The following SPTBN4 variants were observed in gnomAD, a reference collection of about 807,000 sequenced individuals.
SPTBN4 encodes the protein spectrin beta chain, non-erythrocytic 4.
In SPTBN4, 96 loss-of-function variants were observed where a neutral mutation model predicts 277.8. The ratio of observed to expected loss-of-function variants is 0.35; its 90% CI spans 0.29 to 0.41. The LOEUF (loss-of-function observed/expected upper bound fraction) is 0.41. SPTBN4 is among the 10% of genes least tolerant of loss of function. The pLI is 1.00. For missense variants in SPTBN4, 3,006 were observed against 3,595.7 expected, an observed-to-expected ratio of 0.84 and a Z score of 4.19; for synonymous variants, 1,481 against 1,580.3, an observed-to-expected ratio of 0.94 and a Z score of 1.49.
At chr19:40,524,520 A>G (rs2080567264) in intron 17 of SPTBN4, 1 of 449,482 alleles carries the variant, frequency 2.2e-6, no homozygotes, top group African/African-American at 2.0e-5. Context: ...TCCAAAAAAA[A>G]AATGTGTTAA....
chr19:40,512,711 A>G lies in SPTBN4; in HGVS notation c.1922A>G (p.Glu641Gly). 1 of 1,525,050 alleles carries G rather than the reference A, an allele frequency of 6.6e-7. No individual in the cohort carries two copies. The highest frequency in any genetic ancestry group is 8.7e-7 in the Non-Finnish European group (1 of 1,143,012). 94.5% of individuals were successfully genotyped at this position (1,525,050 alleles called of 1,614,324 possible). A position where few individuals can be genotyped will look rare whatever the true frequency, so the allele number is the denominator to read the frequency against. Residue 641 changes from glutamate (E) to glycine (G), a missense_variant, in exon 14 of 36, where the codon GAG becomes GGG. Physicochemically the swap from Glu to Gly is moderately conservative, Grantham distance 98. Around this residue, in one of 5 missense-constraint regions of SPTBN4, gnomAD observed 1,759 missense variants for 2,061.5 expected, o/e 0.85. Transcript: ENST00000598249. ...EQAARRRAELEASRSLWALLQ... is the reference protein window; with the variant it reads ...EQAARRRAELGASRSLWALLQ... ...GCAGCGCGGCGACGCGCGGAGCTGG[A>G]GGCTTCGCGGAGCCTGTGGGCGCTG...
intron 30 of SPTBN4, 38 bp downstream of exon 30, chr19:40,566,397 C>T: frequency 1.4e-6 from 2 of 1,462,292 alleles, no homozygotes; most frequent in Non-Finnish European, 1.8e-6. Context: ...CCCCCACCCC[C>T]ACCAAGACCC....
Position 40,519,962 on chromosome 19 carries a change from G to A in SPTBN4, c.3465G>A (p.Ala1155=), listed in dbSNP as rs2080507089. Residue 1155 remains alanine (A), a synonymous_variant, in exon 16 of 36, where the codon GCG becomes GCA. Transcript: ENST00000598249. This position sits in a 1 kb window ranked among gnomAD's most constrained non-coding sequence, Gnocchi z 5.7. The part of the protein sequence containing the change: ...DYARIVAASE[A]LLAADGAELG... ...CTCGCATCGTGGCGGCCAGCGAGGC[G>A]CTGCTGGCCGCCGACGGCGCAGAGC... is the stretch of plus-strand genomic sequence containing the variant. 3.9e-6 allele frequency: 6 copies of A among 1,540,342 alleles called. No individual in the cohort carries two copies. Among genetic ancestry groups the A allele is most frequent in the East Asian group, 4.9e-5 (2 of 41,210 alleles).
rs746448654 is a variant in SPTBN4 at position 40,569,304 on chromosome 19, A to G, written c.6957-353A>G. 9.2e-5 allele frequency among the ~76,000 whole-genome samples: 14 copies of G among 152,024 alleles called. 1 individual carries two copies. In the South Asian group the frequency reaches 1.2e-3, roughly 14 times the overall value. ...AGCCGGCATGGTGGCGCACGCCTGTAGTACCAGCTACTTGGGAGGCTGAGG... is the reference window on the plus strand; with the variant it reads ...AGCCGGCATGGTGGCGCACGCCTGTGGTACCAGCTACTTGGGAGGCTGAGG... On this transcript the variant is annotated intron_variant, in intron 31 of 35. Transcript: ENST00000598249.
Position 40,490,135 on chromosome 19 carries a change from C to T in SPTBN4, c.382C>T (p.Gln128Ter). ...HSLENVDKALQFLKEQRVHLE... is the reference protein window; with the variant it reads ...HSLENVDKAL ...ACTGGAGAACGTGGACAAGGCGCTG[C>T]AGTTTCTGAAGGAGCAGCGCGTGCA... Residue 128 changes from glutamine (Q) to a stop codon, truncating the protein, a stop_gained, in exon 4 of 36, where the codon CAG (glutamine) becomes TAG (stop). Transcript: ENST00000598249. LOFTEE classifies it high-confidence loss of function. The surrounding 1 kb of genome is among the most constrained non-coding windows in gnomAD (Gnocchi z 4.3). 1 of 1,614,148 alleles carries T rather than the reference C, an allele frequency of 6.2e-7. No individual in the cohort carries two copies. The highest frequency in any genetic ancestry group is 8.5e-7 in the Non-Finnish European group (1 of 1,180,006).
chr19:40,534,230 G>T lies in SPTBN4; in HGVS notation c.4246G>T (p.Val1416Leu). 1.2e-6 allele frequency: 2 copies of T among 1,614,102 alleles called. No homozygotes were observed. The highest frequency in any genetic ancestry group is 2.2e-5 in the East Asian group (1 of 44,876). ...TGAGGCCAGCAAAGCAGACCAGCTGGTGCAGAGCTTTGCTGAGCTGGACAA... is the reference window on the plus strand; with the variant it reads ...TGAGGCCAGCAAAGCAGACCAGCTGTTGCAGAGCTTTGCTGAGCTGGACAA... ...LFEASKADQLVQSFAELDKKL... is the reference protein window; with the variant it reads ...LFEASKADQLLQSFAELDKKL... The change falls in exon 20 of 36, where the codon GTG (valine) becomes TTG (leucine). Residue 1416 changes from valine (V) to leucine (L), a missense_variant. Val to Leu is a conservative substitution (Grantham distance 32). Transcript: ENST00000598249.
At chr19:40,564,479 C>T (rs1231663695) in intron 27 of SPTBN4, among the ~76,000 whole-genome samples, 1 of 152,204 alleles carries the variant, frequency 6.6e-6, no homozygotes, top group African/African-American at 2.4e-5. Flanking sequence ...TTGGAGAGCA[C>T]AGACTTGGAA....
intron 2 of SPTBN4, among the ~76,000 whole-genome samples, chr19:40,479,675 CATATATATAT>C (rs34118043): frequency 9.9e-4 from 126 of 126,682 alleles, no homozygotes; most frequent in Non-Finnish European, 1.4e-3. Context: ...AATGAGTAAG[CATATATATAT>C]ATATATATAT....
At chr19:40,491,713 C>CA (rs35237688) in intron 4 of SPTBN4, among the ~76,000 whole-genome samples, 5,871 of 38,186 alleles carry the variant, frequency 0.15, 668 homozygotes, top group Non-Finnish European at 0.19. Flanking sequence ...GACTCTGTCT[C>CA]AAAAAAAAAA....
In SPTBN4 at chr19:40,570,704, A is replaced by C; in HGVS notation, c.7295A>C (p.Asp2432Ala). The change falls in exon 33 of 36, where the codon GAC becomes GCC. Residue 2432 changes from aspartate (D) to alanine (A), a missense_variant. By Grantham distance (126) the Asp-to-Ala change is moderately radical. Around this residue, in one of 5 missense-constraint regions of SPTBN4, gnomAD observed 630 missense variants for 677.6 expected, o/e 0.93. Coordinates refer to ENST00000598249, the MANE Select transcript of SPTBN4 (RefSeq NM_020971.3). Reference sequence around the variant, plus strand: ...TTCCTACTGCGCAAGCGCGAGCTCGACGCTAACCGCAAGTCGTCCAACCGG... The same window carrying C: ...TTCCTACTGCGCAAGCGCGAGCTCGCCGCTAACCGCAAGTCGTCCAACCGG... Reference protein sequence around the residue: ...EGFLLRKRELDANRKSSNRSW... With the variant: ...EGFLLRKRELAANRKSSNRSW... 1 of 1,608,442 alleles carries C rather than the reference A, an allele frequency of 6.2e-7. No individual in the cohort carries two copies. The highest frequency in any genetic ancestry group is 8.5e-7 in the Non-Finnish European group (1 of 1,178,096).
In SPTBN4 at chr19:40,513,288, G is replaced by T; in HGVS notation, c.2499G>T (p.Arg833=). ...EAHRGPVSGL[R]RQLATLGGAS... The stretch of plus-strand genomic sequence containing the variant: ...ATCGCGGGCCCGTGAGCGGCCTGCG[G>T]CGCCAGCTGGCGACACTCGGGGGTG... Residue 833 remains arginine, a synonymous_variant, in exon 14 of 36, where the codon CGG becomes CGT. Transcript: ENST00000598249. 1 of 1,544,586 alleles carries T rather than the reference G, an allele frequency of 6.5e-7. No homozygotes were observed.
chr19:40,550,757 G>A (rs1264780676), intron 22 of SPTBN4, among the ~76,000 whole-genome samples: 1 of 152,136 alleles, frequency 6.6e-6, no homozygotes, highest in African/African-American at 2.4e-5. Context: ...GGCCTCAAGT[G>A]ATCCACTCGC....
chr19:40,485,842 G>A (rs1211457121), intron 2 of SPTBN4, among the ~76,000 whole-genome samples: 1 of 151,954 alleles, frequency 6.6e-6, no homozygotes, highest in Non-Finnish European at 1.5e-5. Context: ...AAATGTCCAA[G>A]GGATTTTAAT....
At chr19:40,539,220 G>A (rs1175486678) in intron 20 of SPTBN4, among the ~76,000 whole-genome samples, 1 of 152,232 alleles carries the variant, frequency 6.6e-6, no homozygotes, top group Non-Finnish European at 1.5e-5. Flanking sequence ...ACAGACTTGG[G>A]ACTCCAGCAG....
At position 40,504,140 on chromosome 19, in the gene SPTBN4, C is replaced by CGGGGG; in HGVS notation, c.1665+11_1665+15dup. ...TGGATGGAGGAGATGCAGGTGCCGG[C>CGGGGG]GGGGGGGCGGGGATGCGGGTGGAGT... On this transcript the variant is annotated intron_variant, in intron 12 of 35. Transcript: ENST00000598249. 1 of 1,146,772 alleles carries CGGGGG rather than the reference C, an allele frequency of 8.7e-7. No individual in the cohort carries two copies. Among genetic ancestry groups the CGGGGG allele is most frequent in the South Asian group, 2.0e-5 (1 of 50,890 alleles). The allele number at this position is 1,146,772 out of a possible 1,614,324, so 71.0% of individuals were successfully genotyped here.
rs550503276 is a variant in SPTBN4, at chr19:40,528,791, C to T, written c.3858-250C>T. ...CTCTGGACTTGCCTTTTTTTCTCTC[C>T]GTCTATATCTCTTTCTTTCTAAGTG... On this transcript the variant is annotated intron_variant, in intron 17 of 35. Transcript: ENST00000598249. Among the ~76,000 whole-genome samples, 12 of 151,570 alleles carry T rather than the reference C, an allele frequency of 7.9e-5. No individual in the cohort carries two copies. The East Asian group carries it at 1.4e-3, about 17-fold the overall frequency.
intron 26 of SPTBN4, among the ~76,000 whole-genome samples, chr19:40,558,226 G>A (rs185423985): frequency 2.0e-4 from 30 of 151,780 alleles, no homozygotes; most frequent in African/African-American, 4.3e-4. Context: ...GAATGGTGGC[G>A]GGCACCTGTA....
At chr19:40,475,890 A>G (rs920349076) in intron 2 of SPTBN4, among the ~76,000 whole-genome samples, 1 of 151,924 alleles carries the variant, frequency 6.6e-6, no homozygotes, top group Non-Finnish European at 1.5e-5. Flanking sequence ...TACTAAAAAT[A>G]TAAACATTAG....
Position 40,560,098 on chromosome 19 carries a change from G to GT in SPTBN4, c.5671-61_5671-60insT. 3 of 1,510,096 alleles carry GT rather than the reference G, an allele frequency of 2.0e-6. No individual in the cohort carries two copies. Among genetic ancestry groups the GT allele is most frequent in the Non-Finnish European group, 2.6e-6 (3 of 1,134,772 alleles). 93.5% of individuals were successfully genotyped at this position (1,510,096 alleles called of 1,614,324 possible). The stretch of plus-strand genomic sequence containing the variant: ...AGGTTCTGCGCTGGAGCAGATGGTG[G>GT]GAGGGAGGGCACAGCCTGGGCCCCG... On this transcript the variant is annotated intron_variant, in intron 26 of 35. Transcript: ENST00000598249. This position sits in a 1 kb window ranked among gnomAD's most constrained non-coding sequence, Gnocchi z 5.2.
Sources: gnomAD v4.1 joint callset for allele counts (sites outside exome capture counted in the v4.1 genomes callset) on GRCh38, gnomAD v4.1.1 for gene constraint, gnomAD v4.1.1 regional missense constraint, Gnocchi (gnomAD v3.1) non-coding constraint, MANE v1.5 for transcripts, NCBI Gene and HGNC (gene_info 2026-07-23, HGNC 2026-07-21) for gene names.